Variants in LCORL observed in about 807,000 individuals in gnomAD.
LCORL encodes ligand dependent nuclear receptor corepressor like, also known as ligand-dependent nuclear receptor corepressor-like protein.
Under a neutral mutation model 141.8 loss-of-function variants are expected in LCORL, and 41 were observed. The observed-to-expected ratio is 0.29, with a 90% confidence interval of 0.23 to 0.38. The LOEUF (loss-of-function observed/expected upper bound fraction) is 0.38, where lower values mean the gene tolerates loss of function less well. LCORL is among the 10% of genes least tolerant of loss of function. The pLI is 1.00. For synonymous variants in LCORL, 618 were observed against 694.1 expected, an observed-to-expected ratio of 0.89 and a Z score of 1.72; for missense variants, 1,759 against 2,035.0, an observed-to-expected ratio of 0.86 and a Z score of 2.61.
intron 4 of LCORL, among the ~76,000 whole-genome samples, chr4:17,929,961 C>T (rs1735741972): frequency 6.6e-6 from 1 of 152,064 alleles, no homozygotes. Flanking sequence ...ACAGACATTT[C>T]TACAAAGAAG....
intron 4 of LCORL, among the ~76,000 whole-genome samples, chr4:17,919,943 T>C (rs998504464): frequency 6.6e-6 from 1 of 152,212 alleles, no homozygotes; most frequent in Non-Finnish European, 1.5e-5. Context: ...AGGTTCCAGA[T>C]AGTTGAACAT....
intron 2 of LCORL, among the ~76,000 whole-genome samples, chr4:17,966,570 C>T (rs1025840496): frequency 1.3e-5 from 2 of 152,096 alleles, no homozygotes; most frequent in African/African-American, 4.8e-5. Flanking sequence ...TCTCTAAAAA[C>T]AGCAGCAGGG....
At position 17,884,019 on chromosome 4, in the gene LCORL, C is replaced by T. The variant is rs1727950741; in HGVS notation, c.776+2049G>A. The T allele has an allele frequency of 6.4e-7, 1 of 1,550,678 alleles. No homozygotes were observed. The highest frequency in any genetic ancestry group is 1.4e-5 in the African/African-American group (1 of 72,922). On this transcript the variant is annotated intron_variant, in intron 6 of 7. Coordinates refer to ENST00000635767, the Ensembl canonical transcript of LCORL. The surrounding 1 kb of genome is among the most constrained non-coding windows in gnomAD (Gnocchi z 4.4). ...CTGTCTTTTCGATCTAATCCATCTT[C>T]AGTATTTTCAGAGGTTCCATCAACT...
At chr4:17,865,454 A>G (rs987950397) in intron 7 of LCORL, among the ~76,000 whole-genome samples, 1 of 152,104 alleles carries the variant, frequency 6.6e-6, no homozygotes, top group East Asian at 1.9e-4. Flanking sequence ...TCAGCCTCCC[A>G]AAGTGTTGGA....
chr4:17,978,897 G>A (rs1364070631), intron 1 of LCORL, among the ~76,000 whole-genome samples: 1 of 152,062 alleles, frequency 6.6e-6, no homozygotes, highest in Admixed American at 6.6e-5. Flanking sequence ...GCAGATCTCT[G>A]CCTTCTTTTT....
intron 4 of LCORL, among the ~76,000 whole-genome samples, chr4:17,933,746 G>A (rs1397339824): frequency 2.0e-5 from 3 of 151,934 alleles, no homozygotes; most frequent in East Asian, 3.8e-4. Context: ...TCCCAAACCA[G>A]CAATTACTGT....
Position 17,988,509 on chromosome 4 carries a change from T to C in LCORL, c.155-15624A>G, listed in dbSNP as rs145216043. On this transcript the variant is annotated intron_variant, in intron 1 of 7. Transcript: ENST00000635767. ...GTTTCTTTGACTTTCTTTTTAGACT[T>C]TCCATTCATCTGCTCATCTACTCCT... 3.3e-5 allele frequency among the ~76,000 whole-genome samples: 5 copies of C among 152,304 alleles called. 1 individual carries two copies. The highest frequency in any genetic ancestry group is 1.2e-4 in the African/African-American group (5 of 41,556).
At chr4:17,927,173 T>C (rs1242865754) in intron 4 of LCORL, among the ~76,000 whole-genome samples, 7 of 152,236 alleles carry the variant, frequency 4.6e-5, no homozygotes, top group Non-Finnish European at 8.8e-5. Context: ...TGGAGACAGC[T>C]TTCTTTAAAT....
chr4:18,008,371 G>A, intron 1 of LCORL, among the ~76,000 whole-genome samples: 1 of 152,292 alleles, frequency 6.6e-6, no homozygotes, highest in African/African-American at 2.4e-5. Flanking sequence ...ATAAAAGGCT[G>A]AGGAGGCCTA....
intron 6 of LCORL, 129 bp downstream of exon 6, chr4:17,885,939 G>A (rs1021496434): frequency 2.4e-6 from 1 of 420,830 alleles, no homozygotes; most frequent in Non-Finnish European, 4.2e-6. Flanking sequence ...ATGAGAGAGA[G>A]ACACTTATGA....
intron 4 of LCORL, among the ~76,000 whole-genome samples, chr4:17,929,835 G>GA (rs370447395): frequency 1.7e-4 from 26 of 152,006 alleles, no homozygotes; most frequent in African/African-American, 5.5e-4. Flanking sequence ...CACACAATGG[G>GA]AAAAAAATAT....
rs908917783 is a variant in LCORL, at chr4:17,946,010, T to C, written c.430+15893A>G. On this transcript the variant is annotated intron_variant, in intron 4 of 7. Transcript: ENST00000635767. ...GAGAAAAGCAGACATCTAAGACATA[T>C]AGATTTTTCTGAGGAGTTTAAAAAA... Among the ~76,000 whole-genome samples the C allele has an allele frequency of 3.9e-5, 6 of 151,924 alleles. No individual in the cohort carries two copies. In the East Asian group the frequency reaches 7.7e-4, roughly 19 times the overall value.
intron 6 of LCORL, chr4:17,880,278 G>C (rs1257383993): frequency 1.8e-5 from 4 of 226,932 alleles, no homozygotes; most frequent in Non-Finnish European, 2.9e-5. Context: ...CATATTTCTT[G>C]CATGTTAGGA....
intron 6 of LCORL, among the ~76,000 whole-genome samples, chr4:17,879,378 GA>G (rs998907369): frequency 1.3e-5 from 2 of 150,576 alleles, no homozygotes; most frequent in African/African-American, 2.4e-5. Flanking sequence ...AACTTTTCTG[GA>G]AAAAAAGATA....
chr4:17,992,099 A>G (rs1270384962), intron 1 of LCORL, among the ~76,000 whole-genome samples: 2 of 152,228 alleles, frequency 1.3e-5, no homozygotes, highest in East Asian at 3.8e-4. Flanking sequence ...TGCTGCTATG[A>G]ACAAATACCC....
chr4:17,883,798 T>C (rs1036865268), intron 6 of LCORL: 2 of 1,550,548 alleles, frequency 1.3e-6, no homozygotes, highest in Non-Finnish European at 1.7e-6. Context: ...CTGGTAATCG[T>C]AGTTTCTTCT....
exon 7 of LCORL, chr4:17,875,179 C>G: frequency 8.1e-7 from 1 of 1,232,030 alleles, no homozygotes; most frequent in Non-Finnish European, 1.0e-6. Context: ...ATACTTACTT[C>G]TCTTTCCTGA....
chr4:17,877,295 T>C, exon 7 of LCORL: 1 of 1,229,556 alleles, frequency 8.1e-7, no homozygotes. Flanking sequence ...AATCTCCCAA[T>C]TTTAAATCAT....
intron 7 of LCORL, among the ~76,000 whole-genome samples, chr4:17,849,400 T>C (rs1723353490): frequency 1.3e-5 from 2 of 152,152 alleles, no homozygotes; most frequent in South Asian, 4.1e-4. Flanking sequence ...ACCGCTGCTG[T>C]TACCCAGGCA....
Sources: allele counts gnomAD v4.1 joint callset (sites outside exome capture counted in the v4.1 genomes callset), GRCh38; gene constraint gnomAD v4.1.1; non-coding constraint Gnocchi (gnomAD v3.1); transcripts MANE v1.5; gene names NCBI Gene and HGNC (gene_info 2026-07-23, HGNC 2026-07-21).